Variants in PRR5L observed in about 807,000 individuals in gnomAD.
PRR5L encodes proline rich 5 like, also known as proline-rich protein 5-like.
A neutral mutation model predicts 36.4 loss-of-function variants in PRR5L; 21 were observed. That is an observed-to-expected ratio of 0.58 (90% CI 0.41 to 0.83). The LOEUF (loss-of-function observed/expected upper bound fraction) is 0.83. PRR5L is among the 40% of genes least tolerant of loss of function. PRR5L has a pLI of 0.00. For missense variants in PRR5L, 381 were observed against 473.3 expected, an observed-to-expected ratio of 0.80 and a Z score of 1.81; for synonymous variants, 188 against 197.0, an observed-to-expected ratio of 0.95 and a Z score of 0.38.
At chr11:36,305,382 A>G (rs921829110) in intron 1 of PRR5L, among the ~76,000 whole-genome samples, 1 of 152,184 alleles carries the variant, frequency 6.6e-6, no homozygotes, top group African/African-American at 2.4e-5. Flanking sequence ...TTGAGTGGGA[A>G]GGGAGGAAAT....
chr11:36,303,088 T>A lies in PRR5L; in HGVS notation c.-126+6650T>A, dbSNP rs1856394389. Among the ~76,000 whole-genome samples, 3 of 152,254 alleles carry A rather than the reference T, an allele frequency of 2.0e-5. No individual in the cohort carries two copies. The South Asian group carries it at 6.2e-4, about 32-fold the overall frequency. Reference sequence around the variant, plus strand: ...AGGCAACACTGCCTCTTGAGTTTAGTCTCTCTGTGTGGAGAAGGAAGTGGA... The same window carrying A: ...AGGCAACACTGCCTCTTGAGTTTAGACTCTCTGTGTGGAGAAGGAAGTGGA... On this transcript the variant is annotated intron_variant, in intron 1 of 8. Coordinates refer to ENST00000530639, the MANE Select transcript of PRR5L (RefSeq NM_001160167.2).
At chr11:36,369,920 T>C (rs1381423680) in intron 1 of PRR5L, among the ~76,000 whole-genome samples, 1 of 152,180 alleles carries the variant, frequency 6.6e-6, no homozygotes, top group East Asian at 1.9e-4. Flanking sequence ...TTATTTGGAA[T>C]GTTTCCTGTT....
intron 1 of PRR5L, among the ~76,000 whole-genome samples, chr11:36,395,888 A>ATTTATT (rs1029659534): frequency 5.9e-5 from 9 of 151,896 alleles, no homozygotes; most frequent in Non-Finnish European, 1.2e-4. Context: ...TGCCTGAATA[A>ATTTATT]TTTATTTTTA....
intron 1 of PRR5L, among the ~76,000 whole-genome samples, chr11:36,312,283 G>A (rs1291603667): frequency 1.3e-5 from 2 of 152,186 alleles, no homozygotes; most frequent in African/African-American, 4.8e-5. Flanking sequence ...AGTCATCAGA[G>A]TGTATCTGAC....
intron 2 of PRR5L, among the ~76,000 whole-genome samples, chr11:36,403,058 G>A (rs558108802): frequency 5.3e-5 from 8 of 152,358 alleles, no homozygotes; most frequent in Admixed American, 1.3e-4. Context: ...AGGGCCGCCA[G>A]CGAGGTGAGG....
rs1856930186 is a variant in PRR5L at position 36,350,980 on chromosome 11, T to TATTTA, written c.-125-50017_-125-50016insATTTA. 9.7e-4 allele frequency among the ~76,000 whole-genome samples: 42 copies of TATTTA among 43,368 alleles called. 1 individual carries two copies. The highest frequency in any genetic ancestry group is 2.5e-3 in the Admixed American group (7 of 2,750). 28.5% of individuals were successfully genotyped at this position (43,368 alleles called of 152,430 possible). A position where few individuals can be genotyped will look rare whatever the true frequency, so the allele number is the denominator to read the frequency against. ...TATATATTTATATATTTATATATAT[T>TATTTA]TATATATTTATATATTTATATATAT... On this transcript the variant is annotated intron_variant, in intron 1 of 8. Coordinates refer to ENST00000530639, the MANE Select transcript of PRR5L (RefSeq NM_001160167.2).
intron 4 of PRR5L, among the ~76,000 whole-genome samples, chr11:36,426,382 C>T (rs1858382782): frequency 6.6e-6 from 1 of 152,210 alleles, no homozygotes; most frequent in African/African-American, 2.4e-5. Flanking sequence ...CTTAGTCTCT[C>T]TGATGCTCAG....
chr11:36,417,172 A>G (rs1486747770), intron 3 of PRR5L, among the ~76,000 whole-genome samples: 1 of 152,114 alleles, frequency 6.6e-6, no homozygotes, highest in African/African-American at 2.4e-5. Flanking sequence ...AGTACCCAAG[A>G]TATCTCCTTG....
chr11:36,358,252 T>A (rs117232298), intron 1 of PRR5L, among the ~76,000 whole-genome samples: 3,403 of 152,320 alleles, frequency 0.022, 60 homozygotes, highest in Non-Finnish European at 0.034. Context: ...CTATCAGCTA[T>A]CTCTTGTGAA....
At chr11:36,308,203 T>C (rs1436268208) in intron 1 of PRR5L, among the ~76,000 whole-genome samples, 1 of 152,220 alleles carries the variant, frequency 6.6e-6, no homozygotes, top group Non-Finnish European at 1.5e-5. Flanking sequence ...GACTCAAACA[T>C]GCAATTGTGA....
chr11:36,355,997 G>C (rs1857023694), intron 1 of PRR5L, among the ~76,000 whole-genome samples: 1 of 151,174 alleles, frequency 6.6e-6, no homozygotes, highest in Non-Finnish European at 1.5e-5. Flanking sequence ...CTGCAGCCTT[G>C]ACCTCCCAGG....
At chr11:36,351,941 A>G (rs1260040397) in intron 1 of PRR5L, among the ~76,000 whole-genome samples, 2 of 151,484 alleles carry the variant, frequency 1.3e-5, no homozygotes, top group Non-Finnish European at 2.9e-5. Flanking sequence ...GTAGAAACCC[A>G]CTAGCAGGAT....
intron 4 of PRR5L, among the ~76,000 whole-genome samples, chr11:36,420,511 AAAT>A (rs1858240470): frequency 6.6e-6 from 1 of 152,180 alleles, no homozygotes; most frequent in Admixed American, 6.5e-5. Flanking sequence ...CGTGAAGACT[AAAT>A]AAGTTATTTA....
chr11:36,318,230 A>G (rs1365846756), intron 1 of PRR5L, among the ~76,000 whole-genome samples: 2 of 152,210 alleles, frequency 1.3e-5, no homozygotes, highest in Admixed American at 6.5e-5. Flanking sequence ...TGTTTGCACA[A>G]TGATGAAATC....
chr11:36,320,787 G>A (rs184066516), intron 1 of PRR5L, among the ~76,000 whole-genome samples: 1 of 152,152 alleles, frequency 6.6e-6, no homozygotes, highest in Non-Finnish European at 1.5e-5. Context: ...TTAAATTCTT[G>A]GAATCTTTGT....
intron 1 of PRR5L, among the ~76,000 whole-genome samples, chr11:36,320,693 A>G (rs1856606593): frequency 1.3e-5 from 2 of 152,224 alleles, no homozygotes; most frequent in Admixed American, 1.3e-4. Context: ...GTGAACTGGT[A>G]TAGAGTAGGT....
chr11:36,432,455 C>T (rs1310341382), intron 5 of PRR5L, among the ~76,000 whole-genome samples: 1 of 152,184 alleles, frequency 6.6e-6, no homozygotes, highest in Non-Finnish European at 1.5e-5. Flanking sequence ...AAGAAAGGAA[C>T]TGAATGGAGA....
In PRR5L at chr11:36,458,481, AT is replaced by A. The variant is rs142138990; in HGVS notation, c.713-3859del. Among the ~76,000 whole-genome samples the A allele has an allele frequency of 7.8e-3, 1,187 of 152,328 alleles. 18 individuals are homozygous for A. Among genetic ancestry groups the A allele is most frequent in the African/African-American group, 0.027 (1,139 of 41,570 alleles). On this transcript the variant is annotated intron_variant, in intron 8 of 8. Transcript: ENST00000530639. ...TATCCTTTGATTTTGAAAAATTGTTATTGTCACCACCAAATAGGCCCCTTGG... is the reference window on the plus strand; with the variant it reads ...TATCCTTTGATTTTGAAAAATTGTTATGTCACCACCAAATAGGCCCCTTGG...
chr11:36,432,627 T>C (rs987575851), intron 5 of PRR5L, among the ~76,000 whole-genome samples: 8 of 152,180 alleles, frequency 5.3e-5, no homozygotes, highest in Middle Eastern at 3.2e-3. Context: ...TTATCATTTT[T>C]GAAGTGATAA....
Sources: allele counts gnomAD v4.1 joint callset (sites outside exome capture counted in the v4.1 genomes callset), GRCh38; gene constraint gnomAD v4.1.1; transcripts MANE v1.5; gene names NCBI Gene and HGNC (gene_info 2026-07-23, HGNC 2026-07-21).